The following NSD1 variants were observed in gnomAD, a reference collection of about 807,000 sequenced individuals.
NSD1 encodes nuclear receptor binding SET domain protein 1.
Under a neutral mutation model 242.7 loss-of-function variants are expected in NSD1, and 26 were observed. The observed-to-expected ratio is 0.11, with a 90% CI of 0.08 to 0.15. The LOEUF (loss-of-function observed/expected upper bound fraction) is 0.15. NSD1 is among the 10% of genes least tolerant of loss of function. The pLI, the probability that NSD1 is intolerant of heterozygous loss-of-function variation, is 1.00. For synonymous variants in NSD1, 1,106 were observed against 1,178.1 expected (o/e 0.94, Z 1.25); for missense variants, 2,495 against 3,272.8 (o/e 0.76, Z 5.80).
intron 11 of NSD1, among the ~76,000 whole-genome samples, chr5:177,249,954 T>G (rs1162863073): frequency 6.6e-6 from 1 of 152,156 alleles, no homozygotes; most frequent in Non-Finnish European, 1.5e-5. Context: ...GGCATGACAG[T>G]TCGTGCCTGT....
chr5:177,240,749 A>G (rs1313445458), intron 8 of NSD1, among the ~76,000 whole-genome samples: 1 of 152,022 alleles, frequency 6.6e-6, no homozygotes, highest in African/African-American at 2.4e-5. Context: ...GCTCAAGCCT[A>G]TAATCCCAGG....
At chr5:177,205,410 T>C (rs1335357766) in intron 4 of NSD1, among the ~76,000 whole-genome samples, 2 of 152,124 alleles carry the variant, frequency 1.3e-5, no homozygotes, top group African/African-American at 4.8e-5. Flanking sequence ...ACTCTAGTTA[T>C]ATTTCAACCA....
chr5:177,204,971 T>C (rs924256390), intron 4 of NSD1, among the ~76,000 whole-genome samples: 1 of 152,196 alleles, frequency 6.6e-6, no homozygotes, highest in African/African-American at 2.4e-5. Context: ...TAAAATGAAA[T>C]ATTCTGCTTC....
chr5:177,257,250 A>C, intron 13 of NSD1, 99 bp downstream of exon 13: 2 of 807,928 alleles, frequency 2.5e-6, no homozygotes, highest in South Asian at 1.7e-5. Context: ...TTTTTTTTGG[A>C]GACAGAGTCT....
At chr5:177,185,784 GTA>G (rs1340013728) in intron 2 of NSD1, among the ~76,000 whole-genome samples, 1 of 28,150 alleles carries the variant, frequency 3.6e-5, no homozygotes, top group Non-Finnish European at 5.0e-5. Flanking sequence ...TATTATATAT[GTA>G]TATTATATAT....
At chr5:177,236,811 T>G (rs1445825923) in intron 6 of NSD1, among the ~76,000 whole-genome samples, 1 of 152,224 alleles carries the variant, frequency 6.6e-6, no homozygotes, top group Non-Finnish European at 1.5e-5. Context: ...AAAAAATGTT[T>G]TATTCCCATC....
intron 16 of NSD1, among the ~76,000 whole-genome samples, chr5:177,271,264 G>A (rs575507451): frequency 6.6e-6 from 1 of 152,312 alleles, no homozygotes; most frequent in South Asian, 2.1e-4. Context: ...GCAAGAAGAA[G>A]CTGGGGAGCA....
intron 2 of NSD1, among the ~76,000 whole-genome samples, chr5:177,151,590 T>C (rs746605456): frequency 3.3e-5 from 5 of 151,640 alleles, no homozygotes; most frequent in Non-Finnish European, 5.9e-5. Context: ...GATTTCTCCA[T>C]GTTGGTCAGA....
chr5:177,260,248 A>G lies in NSD1; in HGVS notation c.5146+80A>G, dbSNP rs1756878748. The G allele has an allele frequency of 4.5e-6, 6 of 1,344,170 alleles. No individual in the cohort carries two copies. The South Asian group carries it at 7.5e-5, about 17-fold the overall frequency. 83.3% of individuals were successfully genotyped at this position (1,344,170 alleles called of 1,614,324 possible). On this transcript the variant is annotated intron_variant, in intron 14 of 22. Transcript: ENST00000439151. Reference sequence around the variant, plus strand: ...TTTAATTGGAACAAAAATACTTTTCATCATATTGCCACTGGAAAAAATATT... The same window carrying G: ...TTTAATTGGAACAAAAATACTTTTCGTCATATTGCCACTGGAAAAAATATT...
chr5:177,215,690 G>A (rs1272787993), intron 5 of NSD1, among the ~76,000 whole-genome samples: 1 of 150,104 alleles, frequency 6.7e-6, no homozygotes, highest in African/African-American at 2.5e-5. Flanking sequence ...CAGTGGTTTT[G>A]CCATGTTAGC....
At chr5:177,265,422 A>G in intron 14 of NSD1, 1 of 604,460 alleles carries the variant, frequency 1.7e-6, no homozygotes, top group African/African-American at 1.9e-5. Context: ...GTTATGAAAA[A>G]CAGTCATGAT....
intron 5 of NSD1, among the ~76,000 whole-genome samples, chr5:177,225,467 A>G (rs1273583675): frequency 6.6e-6 from 1 of 152,024 alleles, no homozygotes; most frequent in Non-Finnish European, 1.5e-5. Flanking sequence ...CTGCTTTCAG[A>G]GTATACTGGC....
chr5:177,173,620 C>T (rs918089004), intron 2 of NSD1, among the ~76,000 whole-genome samples: 8 of 151,916 alleles, frequency 5.3e-5, no homozygotes, highest in East Asian at 2.0e-4. Context: ...GTTACAGGCA[C>T]GTGCCACCAC....
At chr5:177,190,889 G>C (rs1220144643) in intron 2 of NSD1, among the ~76,000 whole-genome samples, 2 of 150,090 alleles carry the variant, frequency 1.3e-5, no homozygotes, top group East Asian at 3.9e-4. Context: ...GGATGGTCTC[G>C]ATTTCCTGAC....
Position 177,260,177 on chromosome 5 carries a change from TC to T in NSD1, c.5146+10del. 1 of 1,613,350 alleles carries T rather than the reference TC, an allele frequency of 6.2e-7. No homozygotes were observed. The highest frequency in any genetic ancestry group is 1.1e-5 in the South Asian group (1 of 91,028). On this transcript the variant is annotated intron_variant, in intron 14 of 22. Transcript: ENST00000439151. ...CTTTGTGTGCTCAGAAGGTAAGAAA[TC>T]ATTTCTTCCTCTATTTGTAGTCTAA...
rs1385140714 is a variant in NSD1 at position 177,252,536 on chromosome 5, GTTCTTTTT to G, written c.4765+686_4765+693del. Among the ~76,000 whole-genome samples the G allele has an allele frequency of 2.3e-3, 224 of 99,028 alleles. 4 individuals are homozygous for G. The highest frequency in any genetic ancestry group is 9.1e-3 in the African/African-American group (210 of 23,020). 65.0% of individuals were successfully genotyped at this position (99,028 alleles called of 152,430 possible). A position where few individuals can be genotyped will look rare whatever the true frequency, so the allele number is the denominator to read the frequency against. On this transcript the variant is annotated intron_variant, in intron 12 of 22. Transcript: ENST00000439151. ...TCATAAAGCTGCGCTAAAGTAAAGT[GTTCTTTTT>G]TTTTTTTTTTTTTTTTTTTTTTTTT...
At chr5:177,267,510 T>TA (rs1757592060) in intron 14 of NSD1, 52 bp from the exon 15 acceptor site, 3 of 1,486,004 alleles carry the variant, frequency 2.0e-6, no homozygotes, top group Non-Finnish European at 2.8e-6. Flanking sequence ...GATGTACACA[T>TA]ACATGACTTG....
rs1761272269 is a variant in NSD1, at chr5:177,186,825, G to T, written c.928-5059G>T. ...GGAACACAGGGAGACCTGTGTTCTGGGTGTGGTGGTGTGTGCCTTTAGTCC... is the reference window on the plus strand; with the variant it reads ...GGAACACAGGGAGACCTGTGTTCTGTGTGTGGTGGTGTGTGCCTTTAGTCC... On this transcript the variant is annotated intron_variant, in intron 2 of 22. Coordinates refer to ENST00000439151, the MANE Select transcript of NSD1 (RefSeq NM_022455.5). Among the ~76,000 whole-genome samples the T allele has an allele frequency of 6.6e-5, 10 of 151,904 alleles. No individual in the cohort carries two copies. The South Asian group carries it at 2.1e-3, about 32-fold the overall frequency.
At chr5:177,138,359 G>T (rs1042121166) in intron 2 of NSD1, among the ~76,000 whole-genome samples, 1 of 151,356 alleles carries the variant, frequency 6.6e-6, no homozygotes, top group African/African-American at 2.4e-5. Context: ...GGGTTCAAGC[G>T]ATTCTCCCAC....
Sources: allele counts gnomAD v4.1 joint callset (sites outside exome capture counted in the v4.1 genomes callset), GRCh38; gene constraint gnomAD v4.1.1; transcripts MANE v1.5; gene names NCBI Gene and HGNC (gene_info 2026-07-23, HGNC 2026-07-21).